Variants in EBF2 observed in about 807,000 individuals in gnomAD.
EBF2 encodes the protein EBF transcription factor 2.
EBF2 carries 21 observed loss-of-function variants against 72.8 expected under a neutral mutation model. The ratio of observed to expected loss-of-function variants is 0.29; its 90% CI spans 0.20 to 0.42. EBF2 has a LOEUF of 0.42. EBF2 is among the 10% of genes least tolerant of loss of function. The pLI is 1.00. For synonymous variants in EBF2, 299 were observed against 274.2 expected (o/e 1.09, Z -0.89); for missense variants, 637 against 731.2 (o/e 0.87, Z 1.49).
intron 7 of EBF2, among the ~76,000 whole-genome samples, chr8:25,902,397 G>T (rs899166048): frequency 6.6e-6 from 1 of 152,054 alleles, no homozygotes; most frequent in Non-Finnish European, 1.5e-5. Context: ...GTGATTTTCC[G>T]CATGCATGAC....
chr8:26,037,468 C>A (rs1348861042), intron 5 of EBF2, among the ~76,000 whole-genome samples: 1 of 152,212 alleles, frequency 6.6e-6, no homozygotes, highest in African/African-American at 2.4e-5. Context: ...TTCTCCCCAA[C>A]TCCTCCCTGC....
At chr8:25,907,774 G>A (rs971699142) in intron 7 of EBF2, among the ~76,000 whole-genome samples, 12 of 152,254 alleles carry the variant, frequency 7.9e-5, no homozygotes, top group South Asian at 2.1e-4. Flanking sequence ...CATCTAGAAC[G>A]GGGTGTGAGT....
chr8:25,858,340 G>T lies in EBF2; in HGVS notation c.1507C>A (p.Pro503Thr), dbSNP rs370985124. The T allele has an allele frequency of 5.6e-6, 9 of 1,614,058 alleles. No homozygotes were observed. The African/African-American group carries it at 1.2e-4, about 22-fold the overall frequency. Residue 503 changes from proline (P) to threonine (T), a missense_variant, in exon 14 of 16, where the codon CCC becomes ACC. This residue lies in a region of EBF2 where 259 missense variants were observed against 268.1 expected (regional missense o/e 0.97). Coordinates refer to ENST00000520164, the MANE Select transcript of EBF2 (RefSeq NM_022659.4). Reference sequence around the variant, plus strand: ...TTACTTCCATAAGGAGAGCCGGTGGGTGAGCCATTTAGAAATCCTGGTGAA... The same window carrying T: ...TTACTTCCATAAGGAGAGCCGGTGGTTGAGCCATTTAGAAATCCTGGTGAA... ...PGSPGFLNGS[P>T]TGSPYGIMSS... is the part of the protein sequence containing the mutation.
chr8:25,856,182 C>T (rs1187496205), intron 14 of EBF2, among the ~76,000 whole-genome samples: 1 of 152,112 alleles, frequency 6.6e-6, no homozygotes, highest in Non-Finnish European at 1.5e-5. Flanking sequence ...ATCCTCTTCA[C>T]TACCACACTA....
intron 8 of EBF2, 41 bp from the exon 9 acceptor site, chr8:25,888,013 T>A (rs754239484): frequency 2.6e-6 from 4 of 1,558,590 alleles, no homozygotes; most frequent in South Asian, 1.2e-5. Context: ...TGTTCTTTCA[T>A]GGGTGTCCAA....
At position 25,850,704 on chromosome 8, in the gene EBF2, GA is replaced by G; in HGVS notation, c.1585del (p.Ser529ProfsTer39). The G allele has an allele frequency of 6.4e-7, 1 of 1,560,362 alleles. No homozygotes were observed. The highest frequency in any genetic ancestry group is 1.2e-5 in the South Asian group (1 of 82,048). ...SSSTSSILPF[S>X]SSVFPAVKQK... Reference sequence around the variant, plus strand: ...TTTGACAGCAGGAAAAACTGAAGAGGAAAATGGGAGGATGGAGGATGTGCTG... The same window carrying G: ...TTTGACAGCAGGAAAAACTGAAGAGGAAATGGGAGGATGGAGGATGTGCTG... On this transcript the variant is annotated frameshift_variant, in exon 15 of 16. Transcript: ENST00000520164. LOFTEE classifies it high-confidence loss of function.
chr8:25,938,830 T>A (rs1052715186), intron 6 of EBF2, among the ~76,000 whole-genome samples: 10 of 152,102 alleles, frequency 6.6e-5, no homozygotes, highest in African/African-American at 2.4e-4. Flanking sequence ...TGGCTGGTAT[T>A]GGGAGAAGGA....
At chr8:26,039,812 G>T (rs953972038) in intron 5 of EBF2, among the ~76,000 whole-genome samples, 2 of 152,202 alleles carry the variant, frequency 1.3e-5, no homozygotes, top group Non-Finnish European at 2.9e-5. Context: ...CATCAGAGAG[G>T]TGGAATCCCG....
intron 6 of EBF2, among the ~76,000 whole-genome samples, chr8:26,023,567 C>T (rs1805237555): frequency 4.6e-5 from 7 of 152,160 alleles, no homozygotes; most frequent in Admixed American, 3.9e-4. Flanking sequence ...TTTCGTCTTT[C>T]TCCCTCTTTT....
chr8:25,887,214 G>T (rs1282186173), intron 9 of EBF2, among the ~76,000 whole-genome samples: 2 of 151,526 alleles, frequency 1.3e-5, no homozygotes, highest in African/African-American at 2.4e-5. Context: ...TTTCCTACAA[G>T]CCCAGGCCAA....
chr8:25,890,479 C>T (rs1213553527), intron 7 of EBF2, among the ~76,000 whole-genome samples: 1 of 152,180 alleles, frequency 6.6e-6, no homozygotes, highest in Non-Finnish European at 1.5e-5. Flanking sequence ...TGGTGTGGAA[C>T]AGTGGCAGAA....
chr8:25,926,208 T>A (rs931418054), intron 6 of EBF2, among the ~76,000 whole-genome samples: 1 of 152,104 alleles, frequency 6.6e-6, no homozygotes, highest in Non-Finnish European at 1.5e-5. Flanking sequence ...GAGATCTCGT[T>A]GCTCTCGCCG....
At chr8:26,005,605 C>G (rs1446723467) in intron 6 of EBF2, among the ~76,000 whole-genome samples, 1 of 90,442 alleles carries the variant, frequency 1.1e-5, no homozygotes, top group Non-Finnish European at 2.1e-5. Context: ...AGGCAGGAGG[C>G]TCGGTTGAGC....
intron 6 of EBF2, among the ~76,000 whole-genome samples, chr8:26,023,934 C>A (rs1345120462): frequency 6.6e-6 from 1 of 152,142 alleles, no homozygotes; most frequent in Non-Finnish European, 1.5e-5. Flanking sequence ...GTTCTGTCTC[C>A]AAAATACCAG....
chr8:25,980,517 C>G (rs1276242158), intron 6 of EBF2, among the ~76,000 whole-genome samples: 5 of 152,162 alleles, frequency 3.3e-5, no homozygotes, highest in African/African-American at 1.2e-4. Flanking sequence ...AATGCTCCTC[C>G]TCCACCATCA....
At chr8:26,036,074 A>G (rs1408095056) in intron 5 of EBF2, among the ~76,000 whole-genome samples, 3 of 152,132 alleles carry the variant, frequency 2.0e-5, no homozygotes, top group Non-Finnish European at 4.4e-5. Flanking sequence ...CTAACCCCAA[A>G]TATGTGTGCA....
intron 6 of EBF2, among the ~76,000 whole-genome samples, chr8:25,976,327 C>G (rs1476648575): frequency 2.0e-5 from 3 of 152,066 alleles, no homozygotes; most frequent in Non-Finnish European, 4.4e-5. Context: ...GAAACAGGTC[C>G]AATAGATGGT....
At chr8:25,893,030 A>T (rs559370380) in intron 7 of EBF2, among the ~76,000 whole-genome samples, 1 of 152,346 alleles carries the variant, frequency 6.6e-6, no homozygotes, top group East Asian at 1.9e-4. Flanking sequence ...AAGTGATCTC[A>T]GCAAAACACA....
chr8:26,040,573 G>A, intron 4 of EBF2, 43 bp downstream of exon 4: 1 of 1,543,214 alleles, frequency 6.5e-7, no homozygotes, highest in Non-Finnish European at 8.8e-7. Context: ...TGGGGGTCGG[G>A]GTCAGAGACA....
Sources: allele counts gnomAD v4.1 joint callset (sites outside exome capture counted in the v4.1 genomes callset), GRCh38; gene constraint gnomAD v4.1.1; regional missense constraint gnomAD v4.1.1; transcripts MANE v1.5; gene names NCBI Gene and HGNC (gene_info 2026-07-23, HGNC 2026-07-21).